The following KDM4B variants were observed in gnomAD, a reference collection of about 807,000 sequenced individuals.
The protein encoded by KDM4B is lysine-specific demethylase 4B.
KDM4B carries 32 observed loss-of-function variants against 125.2 expected under a neutral mutation model. The ratio of observed to expected loss-of-function variants is 0.26; its 90% CI spans 0.19 to 0.34. KDM4B has a LOEUF of 0.34. KDM4B is among the 10% of genes least tolerant of loss of function. KDM4B has a pLI of 1.00. For synonymous variants in KDM4B, 721 were observed against 677.9 expected (o/e 1.06, Z -0.99); for missense variants, 1,190 against 1,577.7 (o/e 0.75, Z 4.16).
intron 3 of KDM4B, among the ~76,000 whole-genome samples, chr19:5,037,924 A>G (rs902911002): frequency 2.0e-4 from 31 of 152,268 alleles, no homozygotes; most frequent in Non-Finnish European, 3.8e-4. Context: ...TGTCGTTAAC[A>G]GGCACCTGGA....
intron 13 of KDM4B, among the ~76,000 whole-genome samples, chr19:5,132,364 A>C (rs1404597275): frequency 6.6e-6 from 1 of 152,028 alleles, no homozygotes; most frequent in Non-Finnish European, 1.5e-5. Flanking sequence ...CGAAGCTTTG[A>C]GTGGGAGGGG....
At chr19:5,095,385 G>T in intron 9 of KDM4B, among the ~76,000 whole-genome samples, 1 of 152,228 alleles carries the variant, frequency 6.6e-6, no homozygotes, top group South Asian at 2.1e-4. Flanking sequence ...TTTTACATGA[G>T]CAGACTCTAG....
chr19:5,084,559 TTATA>T (rs1418056546), intron 9 of KDM4B, among the ~76,000 whole-genome samples: 8 of 127,956 alleles, frequency 6.3e-5, no homozygotes, highest in African/African-American at 1.9e-4. Flanking sequence ...AATATATAAA[TTATA>T]TAAATTATAT....
chr19:5,084,913 C>G (rs1020424972), intron 9 of KDM4B, among the ~76,000 whole-genome samples: 3 of 134,722 alleles, frequency 2.2e-5, no homozygotes, highest in Admixed American at 1.6e-4. Flanking sequence ...AATATGTTGG[C>G]CAGGCTGGTC....
chr19:5,132,590 C>T (rs1050154854), intron 13 of KDM4B, among the ~76,000 whole-genome samples: 3 of 152,046 alleles, frequency 2.0e-5, no homozygotes, highest in African/African-American at 4.8e-5. Context: ...GGCGGGAGCT[C>T]CCAGGAGTGG....
chr19:5,040,914 G>A (rs1018683006), intron 4 of KDM4B, among the ~76,000 whole-genome samples: 7 of 152,226 alleles, frequency 4.6e-5, no homozygotes, highest in African/African-American at 1.7e-4. Context: ...CCCGGGCCAG[G>A]ATAACTGAGG....
intron 9 of KDM4B, among the ~76,000 whole-genome samples, chr19:5,084,427 A>G (rs867912920): frequency 7.5e-4 from 106 of 141,304 alleles, no homozygotes; most frequent in African/African-American, 2.6e-3. Flanking sequence ...ATTTATATAT[A>G]TAAATATAAA....
chr19:5,059,487 A>T (rs1214693475), intron 6 of KDM4B, among the ~76,000 whole-genome samples: 1 of 152,192 alleles, frequency 6.6e-6, no homozygotes, highest in Non-Finnish European at 1.5e-5. Flanking sequence ...GGAGCTCCAG[A>T]GCCCAGCCCG....
At chr19:5,111,626 A>G in intron 10 of KDM4B, 1 of 701,774 alleles carries the variant, frequency 1.4e-6, no homozygotes. Context: ...ACAGTTGTCG[A>G]CAGATCTCAC....
At chr19:4,977,594 C>T (rs1317118905) in intron 1 of KDM4B, among the ~76,000 whole-genome samples, 1 of 152,180 alleles carries the variant, frequency 6.6e-6, no homozygotes, top group African/African-American at 2.4e-5. Context: ...AGGGAGAGAG[C>T]GTGGAGACAG....
At chr19:5,084,869 G>A (rs1415263159) in intron 9 of KDM4B, among the ~76,000 whole-genome samples, 9 of 68,186 alleles carry the variant, frequency 1.3e-4, no homozygotes, top group Admixed American at 1.1e-3. Context: ...CCCGCCCGCC[G>A]CCCCGGCCCA....
Position 5,114,360 on chromosome 19 carries a change from C to A in KDM4B, c.1115+3542C>A. The A allele has an allele frequency of 1.5e-6, 1 of 657,442 alleles. No individual in the cohort carries two copies. The highest frequency in any genetic ancestry group is 2.4e-6 in the Non-Finnish European group (1 of 411,322). 40.7% of individuals were successfully genotyped at this position (657,442 alleles called of 1,614,324 possible). A position where few individuals can be genotyped will look rare whatever the true frequency, so the allele number is the denominator to read the frequency against. Reference sequence around the variant, plus strand: ...TCGGTGCTGCCTGTCCCCTCCTGCTCTGCCTTGGCCTGTCGCCCCTGCGCC... The same window carrying A: ...TCGGTGCTGCCTGTCCCCTCCTGCTATGCCTTGGCCTGTCGCCCCTGCGCC... On this transcript the variant is annotated intron_variant, in intron 10 of 22. Transcript: ENST00000159111. This position sits in a 1 kb window ranked among gnomAD's most constrained non-coding sequence, Gnocchi z 5.8.
rs1568252827 is a variant in KDM4B at position 5,044,050 on chromosome 19, TGGGGGTGTCC to T, written c.432+2800_432+2809del. ...TTATCCCACGCGGTGTTTATCGGAG[TGGGGGTGTCC>T]ACCTTATCCCGCGTGGTGTTTATCG... On this transcript the variant is annotated intron_variant, in intron 5 of 22. Transcript: ENST00000159111. Among the ~76,000 whole-genome samples, 12 of 45,438 alleles carry T rather than the reference TGGGGGTGTCC, an allele frequency of 2.6e-4. 2 individuals are homozygous for T. The highest frequency in any genetic ancestry group is 9.7e-4 in the Admixed American group (4 of 4,144). 29.8% of individuals were successfully genotyped at this position (45,438 alleles called of 152,430 possible). A position where few individuals can be genotyped will look rare whatever the true frequency, so the allele number is the denominator to read the frequency against.
At chr19:5,110,899 T>A in intron 10 of KDM4B, 81 bp downstream of exon 10, 1 of 1,150,416 alleles carries the variant, frequency 8.7e-7, no homozygotes, top group East Asian at 2.7e-5. Flanking sequence ...CCCTTCCCAC[T>A]GGCAGGGGCT....
intron 18 of KDM4B, chr19:5,140,217 G>A (rs1257828645): frequency 1.3e-5 from 2 of 152,570 alleles, no homozygotes; most frequent in Non-Finnish European, 2.9e-5. Context: ...CACAGTGAGA[G>A]CCTGTGGGGT....
intron 1 of KDM4B, among the ~76,000 whole-genome samples, chr19:5,004,493 C>A (rs539979626): frequency 6.6e-6 from 1 of 152,344 alleles, no homozygotes; most frequent in Admixed American, 6.5e-5. Context: ...CCCAGCCCGG[C>A]AGCTTCCTAG....
Position 5,142,228 on chromosome 19 carries a change from G to A in KDM4B, c.2551-1739G>A, listed in dbSNP as rs548534443. ...GCCTGGGCCCTTCCAGGCCCCCCAC[G>A]GGCCGTAGACCCTGACTCCCCGGCA... On this transcript the variant is annotated intron_variant, in intron 18 of 22. Transcript: ENST00000159111. This position sits in a 1 kb window ranked among gnomAD's most constrained non-coding sequence, Gnocchi z 5.4. 6.6e-6 allele frequency among the ~76,000 whole-genome samples: 1 copy of A among 152,012 alleles called. No homozygotes were observed. The highest frequency in any genetic ancestry group is 1.5e-5 in the Non-Finnish European group (1 of 67,962).
At position 4,977,271 on chromosome 19, in the gene KDM4B, G is replaced by A. The variant is rs113820866; in HGVS notation, c.-109+8041G>A. Among the ~76,000 whole-genome samples the A allele has an allele frequency of 3.9e-5, 6 of 152,310 alleles. 2 individuals carry two copies. Among genetic ancestry groups the A allele is most frequent in the African/African-American group, 1.4e-4 (6 of 41,570 alleles). On this transcript the variant is annotated intron_variant, in intron 1 of 22. Transcript: ENST00000159111. ...GGACTGGGATCGTGTTTGTTCAATG[G>A]ACAAAGGCTGAGAATCCCGAGGCCG...
chr19:5,103,485 G>A (rs149888745), intron 9 of KDM4B, among the ~76,000 whole-genome samples: 4 of 152,320 alleles, frequency 2.6e-5, no homozygotes, highest in African/African-American at 9.6e-5. Context: ...TGTCGGACGC[G>A]TCAGTCTTCA....
Sources: gnomAD v4.1 joint callset for allele counts (sites outside exome capture counted in the v4.1 genomes callset) on GRCh38, gnomAD v4.1.1 for gene constraint, Gnocchi (gnomAD v3.1) non-coding constraint, MANE v1.5 for transcripts, NCBI Gene and HGNC (gene_info 2026-07-23, HGNC 2026-07-21) for gene names.